The following THADA variants were observed in gnomAD, a reference collection of about 807,000 sequenced individuals.
THADA encodes THADA armadillo repeat containing.
A neutral mutation model predicts 219.8 loss-of-function variants in THADA; 213 were observed. The ratio of observed to expected loss-of-function variants is 0.97; its 90% CI spans 0.87 to 1.09. The LOEUF is 1.09. Ranked by LOEUF, THADA falls within the 50% of genes least tolerant of loss-of-function variation. The pLI is 0.00. For missense variants in THADA, 2,956 were observed against 2,311.3 expected (o/e 1.28, Z -5.72); for synonymous variants, 1,018 against 828.9 (o/e 1.23, Z -3.92).
chr2:43,362,413 T>C (rs1019539832), intron 29 of THADA, among the ~76,000 whole-genome samples: 1 of 152,248 alleles, frequency 6.6e-6, no homozygotes, highest in East Asian at 1.9e-4. Flanking sequence ...GATTTCATCA[T>C]GTTACTGTAC....
intron 24 of THADA, among the ~76,000 whole-genome samples, chr2:43,503,325 G>A (rs1689260374): frequency 6.6e-6 from 1 of 152,130 alleles, no homozygotes; most frequent in Non-Finnish European, 1.5e-5. Context: ...TTCACAGAAG[G>A]GATGAAATGA....
intron 24 of THADA, among the ~76,000 whole-genome samples, chr2:43,504,229 A>C (rs1689375482): frequency 6.6e-6 from 1 of 152,172 alleles, no homozygotes; most frequent in East Asian, 1.9e-4. Context: ...TCATTTTTGA[A>C]TGGTGATTAA....
intron 22 of THADA, among the ~76,000 whole-genome samples, chr2:43,525,721 T>G (rs920804311): frequency 1.3e-5 from 2 of 152,314 alleles, no homozygotes; most frequent in East Asian, 3.9e-4. Flanking sequence ...AGCTGAGCCC[T>G]GCCCAAATTG....
At chr2:43,427,273 T>C (rs1389346922) in intron 28 of THADA, among the ~76,000 whole-genome samples, 3 of 152,164 alleles carry the variant, frequency 2.0e-5, no homozygotes, top group Non-Finnish European at 4.4e-5. Context: ...TGCTCCGTGC[T>C]AGCCAGGCTC....
At chr2:43,275,048 G>A (rs1032245375) in intron 36 of THADA, among the ~76,000 whole-genome samples, 1 of 143,718 alleles carries the variant, frequency 7.0e-6, no homozygotes, top group South Asian at 2.2e-4. Context: ...AGGCTGGAGT[G>A]CAGTGGTGTG....
chr2:43,422,308 C>T (rs2104793488), intron 28 of THADA, among the ~76,000 whole-genome samples: 1 of 152,280 alleles, frequency 6.6e-6, no homozygotes, highest in Non-Finnish European at 1.5e-5. Flanking sequence ...TATATAAAGA[C>T]CATTATCATG....
chr2:43,305,722 C>T (rs992289986), intron 31 of THADA, among the ~76,000 whole-genome samples: 1 of 152,108 alleles, frequency 6.6e-6, no homozygotes, highest in Non-Finnish European at 1.5e-5. Context: ...GATGAGCTCA[C>T]CAGGCCCTGG....
intron 24 of THADA, among the ~76,000 whole-genome samples, chr2:43,503,068 G>A (rs116328731): frequency 6.6e-6 from 1 of 152,156 alleles, no homozygotes; most frequent in African/African-American, 2.4e-5. Flanking sequence ...GTAAAAGTCT[G>A]ATAATACAAA....
At chr2:43,277,674 T>C (rs1672880780) in intron 36 of THADA, among the ~76,000 whole-genome samples, 1 of 152,228 alleles carries the variant, frequency 6.6e-6, no homozygotes, top group Admixed American at 6.5e-5. Context: ...GTAACTTTAA[T>C]TTTTTCATTG....
chr2:43,458,326 G>A (rs1683253018), intron 26 of THADA, among the ~76,000 whole-genome samples: 1 of 152,088 alleles, frequency 6.6e-6, no homozygotes, highest in Middle Eastern at 3.2e-3. Flanking sequence ...AGCAAAAAGG[G>A]GTGAAGGTGC....
At chr2:43,345,099 A>G (rs551267399) in intron 29 of THADA, among the ~76,000 whole-genome samples, 1 of 152,316 alleles carries the variant, frequency 6.6e-6, no homozygotes, top group East Asian at 1.9e-4. Context: ...ACACACTAAG[A>G]ACTCTGAAAG....
intron 29 of THADA, among the ~76,000 whole-genome samples, chr2:43,372,604 A>G (rs1670933423): frequency 6.6e-6 from 1 of 152,156 alleles, no homozygotes; most frequent in African/African-American, 2.4e-5. Context: ...AACACAGCCA[A>G]CAGAGGGGGT....
At chr2:43,232,617 A>C in intron 37 of THADA, 96 bp downstream of exon 37, 2 of 1,340,548 alleles carry the variant, frequency 1.5e-6, no homozygotes, top group Non-Finnish European at 2.1e-6. Context: ...TCTGTGTCTA[A>C]GCATGCAAAA....
At chr2:43,461,167 TAGGAGTAACATA>T (rs1018895869) in intron 26 of THADA, among the ~76,000 whole-genome samples, 7 of 152,190 alleles carry the variant, frequency 4.6e-5, no homozygotes, top group Admixed American at 3.9e-4. Context: ...AGTTTTGGCA[TAGGAGTAACATA>T]ATGAACTGTG....
At chr2:43,283,672 G>A (rs540077774) in intron 35 of THADA, among the ~76,000 whole-genome samples, 3 of 152,238 alleles carry the variant, frequency 2.0e-5, no homozygotes, top group African/African-American at 4.8e-5. Context: ...GAGGGTATCC[G>A]GCAGAAAAAA....
At chr2:43,283,878 A>G (rs898040346) in intron 35 of THADA, among the ~76,000 whole-genome samples, 52 of 152,370 alleles carry the variant, frequency 3.4e-4, no homozygotes, top group African/African-American at 1.2e-3. Flanking sequence ...CAGAATTTGC[A>G]TAAGTAAAGA....
At chr2:43,439,937 C>G (rs952883390) in intron 26 of THADA, among the ~76,000 whole-genome samples, 1 of 152,048 alleles carries the variant, frequency 6.6e-6, no homozygotes, top group South Asian at 2.1e-4. Context: ...AAAAGAAATC[C>G]TTACTCCTTT....
At chr2:43,465,094 T>G (rs1249958803) in intron 26 of THADA, among the ~76,000 whole-genome samples, 4 of 152,080 alleles carry the variant, frequency 2.6e-5, no homozygotes, top group African/African-American at 9.7e-5. Context: ...AAACCTTGAT[T>G]TGGCAGTTTC....
chr2:43,286,667 C>G (rs1380902128), intron 35 of THADA, among the ~76,000 whole-genome samples: 1 of 151,740 alleles, frequency 6.6e-6, no homozygotes, highest in Non-Finnish European at 1.5e-5. Context: ...GGAGGTTGCA[C>G]TAAGCCGAGA....
Sources: gnomAD v4.1 joint callset for allele counts (sites outside exome capture counted in the v4.1 genomes callset) on GRCh38, gnomAD v4.1.1 for gene constraint, MANE v1.5 for transcripts, NCBI Gene and HGNC (gene_info 2026-07-23, HGNC 2026-07-21) for gene names.